Variants in KLF6 observed in about 807,000 individuals in gnomAD.
KLF6 encodes the protein Krueppel-like factor 6.
For synonymous variants in KLF6, 152 were observed against 147.9 expected (o/e 1.03, Z -0.20); for missense variants, 233 against 359.8 (o/e 0.65, Z 2.85).
In KLF6 at chr10:3,780,247, G is replaced by A. The variant is rs763143623; in HGVS notation, c.677-18C>T. The A allele has an allele frequency of 6.8e-6, 11 of 1,612,912 alleles. No individual in the cohort carries two copies. The highest frequency in any genetic ancestry group is 3.3e-4 in the Middle Eastern group (2 of 6,084). ...CTTTTCTCCTGGGGAGAGAGCACAG[G>A]ACAAGCAGCCCATGACTTCACTGAC... On this transcript the variant is annotated intron_variant, in intron 2 of 3. Transcript: ENST00000497571. This position sits in a 1 kb window ranked among gnomAD's most constrained non-coding sequence, Gnocchi z 4.6.
rs1477150889 is a variant in KLF6 at position 3,784,901 on chromosome 10, G to A, written c.102+12C>T. On this transcript the variant is annotated intron_variant, in intron 1 of 3. Transcript: ENST00000497571. ...CCGGCGCCCGCAGGGAACCGCGGCC[G>A]GCTGCGTTTACCTGTTGCCAGTACT... 8.8e-6 allele frequency: 14 copies of A among 1,593,150 alleles called. No individual in the cohort carries two copies. The highest frequency in any genetic ancestry group is 1.8e-5 in the Admixed American group (1 of 56,996).
Position 3,778,616 on chromosome 10 carries a change from T to G in KLF6, c.*923A>C. 1.9e-6 allele frequency: 1 copy of G among 513,900 alleles called. No individual in the cohort carries two copies. 31.8% of individuals were successfully genotyped at this position (513,900 alleles called of 1,614,324 possible). On this transcript the variant is annotated 3_prime_UTR_variant, in exon 4 of 4. Transcript: ENST00000497571. ...TTTCTGGAAGGGGAGTGTTACAAAC[T>G]TGGAGGGGAAAAAAAATTGTATATT...
chr10:3,781,627 G>A lies in KLF6; in HGVS notation c.676+14C>T, dbSNP rs537644547. The A allele has an allele frequency of 1.1e-5, 17 of 1,612,052 alleles. No homozygotes were observed. In the Admixed American group the frequency reaches 1.7e-4, roughly 16 times the overall value. ...CACCAGCGGCCGCCCTCCGGGGCCCGCGTGGGCACTGACCTGTGTGCGTCC... is the reference window on the plus strand; with the variant it reads ...CACCAGCGGCCGCCCTCCGGGGCCCACGTGGGCACTGACCTGTGTGCGTCC... On this transcript the variant is annotated intron_variant, in intron 2 of 3. Coordinates refer to ENST00000497571, the MANE Select transcript of KLF6 (RefSeq NM_001300.6). The surrounding 1 kb of genome is among the most constrained non-coding windows in gnomAD (Gnocchi z 5.8).
In KLF6 at chr10:3,784,888, G is replaced by A. The variant is rs769536025; in HGVS notation, c.102+25C>T. 5.2e-5 allele frequency: 83 copies of A among 1,588,060 alleles called. 3 individuals are homozygous for A. The South Asian group carries it at 9.0e-4, about 17-fold the overall frequency. ...CCCGGCCCGCGCCCCGGCGCCCGCA[G>A]GGAACCGCGGCCGGCTGCGTTTACC... On this transcript the variant is annotated intron_variant, in intron 1 of 3. Coordinates refer to ENST00000497571, the MANE Select transcript of KLF6 (RefSeq NM_001300.6).
At chr10:3,783,437 G>T (rs1832575576) in intron 1 of KLF6, among the ~76,000 whole-genome samples, 1 of 152,188 alleles carries the variant, frequency 6.6e-6, no homozygotes, top group African/African-American at 2.4e-5. Context: ...TGGTGAGCAC[G>T]TCATTTTTCC....
Position 3,782,996 on chromosome 10 carries a change from G to C in KLF6, c.103-782C>G, listed in dbSNP as rs1253886881. On this transcript the variant is annotated intron_variant, in intron 1 of 3. Coordinates refer to ENST00000497571, the MANE Select transcript of KLF6 (RefSeq NM_001300.6). The surrounding 1 kb of genome is among the most constrained non-coding windows in gnomAD (Gnocchi z 4.3). ...CCATCTGCTATTGTGAAGGGTGCAAGGGGAAATTACTCCACGGCCCTGCTG... is the reference window on the plus strand; with the variant it reads ...CCATCTGCTATTGTGAAGGGTGCAACGGGAAATTACTCCACGGCCCTGCTG... Among the ~76,000 whole-genome samples the C allele has an allele frequency of 6.6e-6, 1 of 152,202 alleles. No homozygotes were observed. The highest frequency in any genetic ancestry group is 1.5e-5 in the Non-Finnish European group (1 of 68,028).
Position 3,779,425 on chromosome 10 carries a change from G to C in KLF6, c.*114C>G. The C allele has an allele frequency of 1.1e-6, 1 of 911,872 alleles. No individual in the cohort carries two copies. The highest frequency in any genetic ancestry group is 1.8e-6 in the Non-Finnish European group (1 of 554,460). The allele number at this position is 911,872 out of a possible 1,614,324, so 56.5% of individuals were successfully genotyped here. A position where few individuals can be genotyped will look rare whatever the true frequency, so the allele number is the denominator to read the frequency against. On this transcript the variant is annotated 3_prime_UTR_variant, in exon 4 of 4. Transcript: ENST00000497571. ...GACCTTCCAAGGAGAGGCCCTGGAGGCAACTGGGTAGGGTGCAGAACGGCA... is the reference window on the plus strand; with the variant it reads ...GACCTTCCAAGGAGAGGCCCTGGAGCCAACTGGGTAGGGTGCAGAACGGCA...
In KLF6 at chr10:3,778,825, C is replaced by T; in HGVS notation, c.*714G>A. On this transcript the variant is annotated 3_prime_UTR_variant, in exon 4 of 4. Transcript: ENST00000497571. Reference sequence around the variant, plus strand: ...TTGTGTTATATTTGTAAATACACAGCTTATACAATGGGTTACAAATGAGCT... The same window carrying T: ...TTGTGTTATATTTGTAAATACACAGTTTATACAATGGGTTACAAATGAGCT... The T allele has an allele frequency of 1.9e-6, 1 of 532,898 alleles. No homozygotes were observed. The highest frequency in any genetic ancestry group is 3.6e-6 in the Non-Finnish European group (1 of 275,494). 33.0% of individuals were successfully genotyped at this position (532,898 alleles called of 1,614,324 possible).
rs758845863 is a variant in KLF6, at chr10:3,776,305, C to CG, written c.*3233dup. Reference sequence around the variant, plus strand: ...CATGGTTCCCTACTGTGCCCACAGCCGGGGGGTTGTTTTTGTCAGTCCTTG... The same window carrying CG: ...CATGGTTCCCTACTGTGCCCACAGCCGGGGGGGTTGTTTTTGTCAGTCCTTG... On this transcript the variant is annotated 3_prime_UTR_variant, in exon 4 of 4. Coordinates refer to ENST00000497571, the MANE Select transcript of KLF6 (RefSeq NM_001300.6). 1.6e-4 allele frequency: 86 copies of CG among 532,744 alleles called. No individual in the cohort carries two copies. Among genetic ancestry groups the CG allele is most frequent in the East Asian group, 9.4e-4 (24 of 25,566 alleles). The allele number at this position is 532,744 out of a possible 1,614,324, so 33.0% of individuals were successfully genotyped here. A position where few individuals can be genotyped will look rare whatever the true frequency, so the allele number is the denominator to read the frequency against.
Position 3,779,438 on chromosome 10 carries a change from G to A in KLF6, c.*101C>T, listed in dbSNP as rs750491379. 6 of 1,028,294 alleles carry A rather than the reference G, an allele frequency of 5.8e-6. No individual in the cohort carries two copies. The highest frequency in any genetic ancestry group is 9.2e-6 in the Non-Finnish European group (6 of 655,078). The allele number at this position is 1,028,294 out of a possible 1,614,324, so 63.7% of individuals were successfully genotyped here. ...GAGGCCCTGGAGGCAACTGGGTAGG[G>A]TGCAGAACGGCATGCTTTGGCTGGA... is the stretch of plus-strand genomic sequence containing the variant. On this transcript the variant is annotated 3_prime_UTR_variant, in exon 4 of 4. Coordinates refer to ENST00000497571, the MANE Select transcript of KLF6 (RefSeq NM_001300.6).
rs777207846 is a variant in KLF6, at chr10:3,776,946, G to C, written c.*2593C>G. 9 of 227,904 alleles carry C rather than the reference G, an allele frequency of 3.9e-5. No homozygotes were observed. Among genetic ancestry groups the C allele is most frequent in the African/African-American group, 9.8e-5 (2 of 20,320 alleles). 14.1% of individuals were successfully genotyped at this position (227,904 alleles called of 1,614,324 possible). On this transcript the variant is annotated 3_prime_UTR_variant, in exon 4 of 4. Transcript: ENST00000497571. ...TTTTTTTTTTCCTTTTTTTTTTTTT[G>C]TCTTTTGCTTACCTTCTTGCTTAAT...
Position 3,780,398 on chromosome 10 carries a change from T to C in KLF6, c.677-169A>G. 1 of 762,210 alleles carries C rather than the reference T, an allele frequency of 1.3e-6. No homozygotes were observed. Among genetic ancestry groups the C allele is most frequent in the South Asian group, 1.5e-5 (1 of 68,142 alleles). 47.2% of individuals were successfully genotyped at this position (762,210 alleles called of 1,614,324 possible). ...CCTCAGAGAGACAACAGCAGCTCTC[T>C]CCTGACCCAGTCTCAGGCCTCCCAC... is the stretch of plus-strand genomic sequence containing the variant. On this transcript the variant is annotated intron_variant, in intron 2 of 3. Transcript: ENST00000497571. This position sits in a 1 kb window ranked among gnomAD's most constrained non-coding sequence, Gnocchi z 4.6.
chr10:3,780,722 C>T lies in KLF6; in HGVS notation c.677-493G>A, dbSNP rs945613423. The T allele has an allele frequency of 1.8e-4, 39 of 213,800 alleles. No homozygotes were observed. The highest frequency in any genetic ancestry group is 7.6e-4 in the African/African-American group (34 of 44,560). 13.2% of individuals were successfully genotyped at this position (213,800 alleles called of 1,614,324 possible). ...TCTGGAAAGCCCCAGTACAGGGCCC[C>T]GGAATCATTCTCTAAATGGCAATTG... On this transcript the variant is annotated intron_variant, in intron 2 of 3. Transcript: ENST00000497571. The surrounding 1 kb of genome is among the most constrained non-coding windows in gnomAD (Gnocchi z 4.6).
Position 3,777,626 on chromosome 10 carries a change from A to G in KLF6, c.*1913T>C, listed in dbSNP as rs1026195246. ...TAAATTAAAGATAAAGCCTCTATAA[A>G]AGTTAGGTTATGGTTTTCATTTTTA... On this transcript the variant is annotated 3_prime_UTR_variant, in exon 4 of 4. Coordinates refer to ENST00000497571, the MANE Select transcript of KLF6 (RefSeq NM_001300.6). 2.0e-6 allele frequency: 1 copy of G among 499,338 alleles called. No individual in the cohort carries two copies. The highest frequency in any genetic ancestry group is 3.9e-6 in the Non-Finnish European group (1 of 254,388). 30.9% of individuals were successfully genotyped at this position (499,338 alleles called of 1,614,324 possible). A position where few individuals can be genotyped will look rare whatever the true frequency, so the allele number is the denominator to read the frequency against.
chr10:3,781,894 G>C lies in KLF6; in HGVS notation c.423C>G (p.Ser141Arg). 1 of 1,614,220 alleles carries C rather than the reference G, an allele frequency of 6.2e-7. No individual in the cohort carries two copies. ...ATGGAGGCGTGGAGGTGACAGAGGAGCTCAATTTTCCCGAGCTGACCAAAA... is the reference window on the plus strand; with the variant it reads ...ATGGAGGCGTGGAGGTGACAGAGGACCTCAATTTTCCCGAGCTGACCAAAA... ...GEVLVSSGKL[S>R]SSVTSTPPSS... Residue 141 changes from serine (S) to arginine (R), a missense_variant, in exon 2 of 4, where the codon AGC becomes AGG. Physicochemically the swap from Ser to Arg is moderately radical, Grantham distance 110. Transcript: ENST00000497571. The surrounding 1 kb of genome is among the most constrained non-coding windows in gnomAD (Gnocchi z 5.8).
Position 3,776,896 on chromosome 10 carries a change from G to T in KLF6, c.*2643C>A, listed in dbSNP as rs894632215. The T allele has an allele frequency of 7.7e-6, 4 of 518,950 alleles. No individual in the cohort carries two copies. The highest frequency in any genetic ancestry group is 7.7e-5 in the African/African-American group (4 of 52,158). The allele number at this position is 518,950 out of a possible 1,614,324, so 32.1% of individuals were successfully genotyped here. The stretch of plus-strand genomic sequence containing the variant: ...CAGGCAAACAGCTCCGACATGTTTC[G>T]TAAGTGAGACAAGCCAGTGCAAGTT... On this transcript the variant is annotated 3_prime_UTR_variant, in exon 4 of 4. Coordinates refer to ENST00000497571, the MANE Select transcript of KLF6 (RefSeq NM_001300.6).
Position 3,777,980 on chromosome 10 carries a change from C to T in KLF6, c.*1559G>A, listed in dbSNP as rs772141775. ...GAAAATGTTACATATTAAATACAGC[C>T]GGTGTGTGATCTATACAATTGTTGT... On this transcript the variant is annotated 3_prime_UTR_variant, in exon 4 of 4. Transcript: ENST00000497571. 17 of 502,746 alleles carry T rather than the reference C, an allele frequency of 3.4e-5. No individual in the cohort carries two copies. The highest frequency in any genetic ancestry group is 1.7e-4 in the African/African-American group (9 of 51,990). 31.1% of individuals were successfully genotyped at this position (502,746 alleles called of 1,614,324 possible). A position where few individuals can be genotyped will look rare whatever the true frequency, so the allele number is the denominator to read the frequency against.
chr10:3,780,516 T>C lies in KLF6; in HGVS notation c.677-287A>G, dbSNP rs1832493243. On this transcript the variant is annotated intron_variant, in intron 2 of 3. Transcript: ENST00000497571. The surrounding 1 kb of genome is among the most constrained non-coding windows in gnomAD (Gnocchi z 4.6). ...ACCACGACTCAGACCAGCAAAATGCTTGCGGGATGAGGTGTCAGCCTGCCG... is the reference window on the plus strand; with the variant it reads ...ACCACGACTCAGACCAGCAAAATGCCTGCGGGATGAGGTGTCAGCCTGCCG... The C allele has an allele frequency of 8.3e-6, 4 of 480,814 alleles. No individual in the cohort carries two copies. Among genetic ancestry groups the C allele is most frequent in the Non-Finnish European group, 1.5e-5 (4 of 260,060 alleles). 29.8% of individuals were successfully genotyped at this position (480,814 alleles called of 1,614,324 possible).
rs1832462733 is a variant in KLF6, at chr10:3,779,111, A to C, written c.*428T>G. On this transcript the variant is annotated 3_prime_UTR_variant, in exon 4 of 4. Transcript: ENST00000497571. ...CCCCCCAAGGAAATGATTGGTGGTC[A>C]TCTCATCTCATGGTATACTCCTTAC... The C allele has an allele frequency of 3.7e-6, 2 of 535,462 alleles. No homozygotes were observed. Among genetic ancestry groups the C allele is most frequent in the Non-Finnish European group, 3.6e-6 (1 of 277,372 alleles). 33.2% of individuals were successfully genotyped at this position (535,462 alleles called of 1,614,324 possible). A position where few individuals can be genotyped will look rare whatever the true frequency, so the allele number is the denominator to read the frequency against.
Sources: gnomAD v4.1 joint callset for allele counts (sites outside exome capture counted in the v4.1 genomes callset) on GRCh38, gnomAD v4.1.1 for gene constraint, Gnocchi (gnomAD v3.1) non-coding constraint, MANE v1.5 for transcripts, NCBI Gene and HGNC (gene_info 2026-07-23, HGNC 2026-07-21) for gene names.